Variants in SLC9C1 observed in about 807,000 individuals in gnomAD.
SLC9C1 encodes the protein sodium/hydrogen exchanger 10.
A neutral mutation model predicts 140.9 loss-of-function variants in SLC9C1; 97 were observed. The ratio of observed to expected loss-of-function variants is 0.69; its 90% confidence interval spans 0.58 to 0.82. The LOEUF (loss-of-function observed/expected upper bound fraction) is 0.82. Among genes scored for constraint, SLC9C1 ranks in the 40% least tolerant of loss-of-function variants. SLC9C1 has a pLI of 0.00. For missense variants in SLC9C1, 1,340 were observed against 1,389.3 expected (o/e 0.96, Z 0.56); for synonymous variants, 440 against 442.6 (o/e 0.99, Z 0.07).
intron 8 of SLC9C1, among the ~76,000 whole-genome samples, chr3:112,265,711 C>T (rs1256766191): frequency 1.3e-5 from 2 of 152,064 alleles, no homozygotes; most frequent in Non-Finnish European, 2.9e-5. Flanking sequence ...CTTTTCCACC[C>T]ATAGTCTTGC....
Position 112,262,919 on chromosome 3 carries a change from TTTAC to T in SLC9C1, c.1197+1_1197+4del, listed in dbSNP as rs2079815707. 6.4e-7 allele frequency: 1 copy of T among 1,562,302 alleles called. No homozygotes were observed. Among genetic ancestry groups the T allele is most frequent in the African/African-American group, 1.4e-5 (1 of 72,184 alleles). On this transcript the variant is annotated splice_donor_variant and splice_donor_region_variant and intron_variant, in intron 10 of 28. Coordinates refer to ENST00000305815, the MANE Select transcript of SLC9C1 (RefSeq NM_183061.3). LOFTEE classifies it high-confidence loss of function. Reference sequence around the variant, plus strand: ...ATTCAGATAAGAAAATACAGCTTTCTTTACTTGAGATTTTTCTTTGTCAGATCCA... The same window carrying T: ...ATTCAGATAAGAAAATACAGCTTTCTTTGAGATTTTTCTTTGTCAGATCCA...
chr3:112,207,224 A>C (rs1191096129), intron 16 of SLC9C1, among the ~76,000 whole-genome samples: 1 of 152,212 alleles, frequency 6.6e-6, no homozygotes, highest in Admixed American at 6.5e-5. Flanking sequence ...TTCAAAGATG[A>C]TTGTAGATTT....
chr3:112,202,352 A>G lies in SLC9C1; in HGVS notation c.2220T>C (p.His740=). ...LLQIIDKRMS[H]QKTFWYGILK... ...GTATTCCATACCAAAAGGTCTTCTG[A>G]TGACTCATTCTTTTATCTATTATTT... The change falls in exon 18 of 29, where the codon CAT becomes CAC. Residue 740 remains histidine, a synonymous_variant. Transcript: ENST00000305815. The G allele has an allele frequency of 3.1e-6, 5 of 1,608,508 alleles. No individual in the cohort carries two copies. Among genetic ancestry groups the G allele is most frequent in the Non-Finnish European group, 4.2e-6 (5 of 1,177,416 alleles).
chr3:112,249,749 AG>A (rs1170034276), intron 10 of SLC9C1, among the ~76,000 whole-genome samples: 1 of 151,894 alleles, frequency 6.6e-6, no homozygotes, highest in Non-Finnish European at 1.5e-5. Context: ...GCATTTTCTG[AG>A]GGATTCTTGT....
rs2079246524 is a variant in SLC9C1, at chr3:112,245,184, CAT to C, written c.1198-1110_1198-1109del. ...TTCGTATAAATTAAATAGCATATGA[CAT>C]GTCTCACTGTGATTTTAATTTGCAT... is the stretch of plus-strand genomic sequence containing the variant. On this transcript the variant is annotated intron_variant, in intron 10 of 28. Transcript: ENST00000305815. Among the ~76,000 whole-genome samples, 6 of 152,284 alleles carry C rather than the reference CAT, an allele frequency of 3.9e-5. No individual in the cohort carries two copies. The South Asian group carries it at 1.2e-3, about 32-fold the overall frequency.
chr3:112,245,723 T>A (rs13101044), intron 10 of SLC9C1, among the ~76,000 whole-genome samples: 89,890 of 151,996 alleles, frequency 0.59, 27,109 homozygotes, highest in East Asian at 0.79. Flanking sequence ...TATATGGAGT[T>A]TAGATTTTGG....
intron 1 of SLC9C1, among the ~76,000 whole-genome samples, chr3:112,291,664 T>C (rs985998781): frequency 6.6e-6 from 1 of 152,234 alleles, no homozygotes; most frequent in Non-Finnish European, 1.5e-5. Context: ...TATACACTGT[T>C]GGTGGGAATG....
At chr3:112,287,239 A>G (rs2080536262) in intron 1 of SLC9C1, among the ~76,000 whole-genome samples, 1 of 152,240 alleles carries the variant, frequency 6.6e-6, no homozygotes, top group Non-Finnish European at 1.5e-5. Context: ...GAAGGACAAC[A>G]AAGGGTTTTG....
At chr3:112,253,769 C>T (rs1393933375) in intron 10 of SLC9C1, among the ~76,000 whole-genome samples, 2 of 152,084 alleles carry the variant, frequency 1.3e-5, no homozygotes, top group Non-Finnish European at 2.9e-5. Context: ...GGGTTCTTAA[C>T]CAGGGTGAGT....
chr3:112,214,869 A>G (rs1029532774), intron 15 of SLC9C1, among the ~76,000 whole-genome samples: 78 of 152,000 alleles, frequency 5.1e-4, no homozygotes, highest in African/African-American at 1.8e-3. Flanking sequence ...TGAGGCCAGC[A>G]TCATCCAGAT....
rs571599233 is a variant in SLC9C1, at chr3:112,198,092, T to G, written c.2523+1229A>C. The stretch of plus-strand genomic sequence containing the variant: ...ATATAAAATATTTACTATATTTTCC[T>G]TTATAGAAAATGATTAATACCTACT... On this transcript the variant is annotated intron_variant, in intron 20 of 28. Transcript: ENST00000305815. 5.9e-5 allele frequency among the ~76,000 whole-genome samples: 9 copies of G among 152,230 alleles called. No individual in the cohort carries two copies. In the East Asian group the frequency reaches 1.7e-3, roughly 29 times the overall value.
chr3:112,202,548 T>C, intron 17 of SLC9C1, 149 bp from the exon 18 acceptor site: 1 of 713,096 alleles, frequency 1.4e-6, no homozygotes, highest in Non-Finnish European at 2.2e-6. Flanking sequence ...GTTATTTTTT[T>C]AGTGGTATCT....
chr3:112,184,750 C>T (rs1384303594), intron 20 of SLC9C1, among the ~76,000 whole-genome samples: 2 of 152,200 alleles, frequency 1.3e-5, no homozygotes, highest in African/African-American at 4.8e-5. Context: ...TGGATCAGCC[C>T]CCAGCCGGAC....
In SLC9C1 at chr3:112,151,878, C is replaced by T; in HGVS notation, c.3503G>A (p.Arg1168Lys). 1.2e-6 allele frequency: 2 copies of T among 1,612,368 alleles called. No individual in the cohort carries two copies. The highest frequency in any genetic ancestry group is 1.7e-6 in the Non-Finnish European group (2 of 1,179,444). Residue 1168 changes from arginine (R) to lysine (K), a missense_variant, in exon 28 of 29, where the codon AGA becomes AAA. Transcript: ENST00000305815. ...TTACCTGACTTTCCTTAGGTTTATT[C>T]TAGGGGACTCCTTACAGTTGAACTT... ...GTKFNCKESP[R>K]INLRKVRKE
chr3:112,154,289 C>A (rs2075067358), intron 27 of SLC9C1, among the ~76,000 whole-genome samples: 1 of 152,128 alleles, frequency 6.6e-6, no homozygotes, highest in Non-Finnish European at 1.5e-5. Context: ...AAAATGAACT[C>A]TCCATTCCAT....
intron 16 of SLC9C1, among the ~76,000 whole-genome samples, chr3:112,206,263 G>A (rs549415987): frequency 5.3e-5 from 8 of 151,982 alleles, no homozygotes; most frequent in African/African-American, 1.7e-4. Flanking sequence ...CATCATCACT[G>A]GTCATCAGAG....
At chr3:112,150,769 C>CATATATATATATAAATACATATACAT (rs1389076809) in intron 28 of SLC9C1, among the ~76,000 whole-genome samples, 3 of 126,548 alleles carry the variant, frequency 2.4e-5, no homozygotes, top group African/African-American at 9.0e-5. Flanking sequence ...TATAAAAATA[C>CATATATATATATAAATACATATACAT]ATATATATAT....
chr3:112,169,368 C>T (rs1161218751), intron 23 of SLC9C1, 40 bp from the exon 24 acceptor site: 2 of 1,580,902 alleles, frequency 1.3e-6, no homozygotes, highest in Admixed American at 1.8e-5. Flanking sequence ...TTATTTTGTG[C>T]ACTATGGTTT....
At position 112,177,737 on chromosome 3, in the gene SLC9C1, A is replaced by T. The variant is rs1284789089; in HGVS notation, c.2919+1794T>A. Among the ~76,000 whole-genome samples, 136 of 149,276 alleles carry T rather than the reference A, an allele frequency of 9.1e-4. 3 individuals carry two copies. The East Asian group carries it at 0.012, about 13-fold the overall frequency. On this transcript the variant is annotated intron_variant, in intron 23 of 28. Coordinates refer to ENST00000305815, the MANE Select transcript of SLC9C1 (RefSeq NM_183061.3). Reference sequence around the variant, plus strand: ...ATTTTTTTTCAAAAAAAAAAAAAAAATTAAATAGAAAAAAAATCACATTTG... The same window carrying T: ...ATTTTTTTTCAAAAAAAAAAAAAAATTTAAATAGAAAAAAAATCACATTTG...
Sources: gnomAD v4.1 joint callset for allele counts (sites outside exome capture counted in the v4.1 genomes callset) on GRCh38, gnomAD v4.1.1 for gene constraint, MANE v1.5 for transcripts, NCBI Gene and HGNC (gene_info 2026-07-23, HGNC 2026-07-21) for gene names.